The following EIPR1 variants were observed in gnomAD, a reference collection of about 807,000 sequenced individuals.
EIPR1 encodes the protein EARP and GARP complex-interacting protein 1.
EIPR1 carries 25 observed loss-of-function variants against 48.1 expected under a neutral mutation model. The ratio of observed to expected loss-of-function variants is 0.52; its 90% CI spans 0.38 to 0.73. EIPR1 has a LOEUF of 0.73. Ranked by LOEUF, EIPR1 falls within the 30% of genes least tolerant of loss-of-function variation. The pLI, the probability that EIPR1 is intolerant of heterozygous loss-of-function variation, is 0.00. For synonymous variants in EIPR1, 204 were observed against 201.9 expected, an observed-to-expected ratio of 1.01 and a Z score of -0.09; for missense variants, 415 against 506.2, an observed-to-expected ratio of 0.82 and a Z score of 1.73.
chr2:3,340,295 G>A (rs1572463688), intron 2 of EIPR1, among the ~76,000 whole-genome samples: 1 of 152,226 alleles, frequency 6.6e-6, no homozygotes, highest in East Asian at 1.9e-4. Context: ...GGAGTAGAGC[G>A]GGCCGCCAGC....
chr2:3,202,006 G>T (rs927146771), intron 5 of EIPR1, among the ~76,000 whole-genome samples: 34 of 152,078 alleles, frequency 2.2e-4, no homozygotes, highest in Admixed American at 2.0e-3. Context: ...GCGCGATCTC[G>T]GCTCACTGCA....
intron 3 of EIPR1, among the ~76,000 whole-genome samples, chr2:3,330,667 G>GTA (rs1455840948): frequency 2.6e-5 from 4 of 151,660 alleles, no homozygotes; most frequent in African/African-American, 4.8e-5. Context: ...GAAAAGGCAG[G>GTA]TGCACACACA....
intron 3 of EIPR1, among the ~76,000 whole-genome samples, chr2:3,290,630 C>T (rs1054135660): frequency 6.6e-6 from 1 of 152,036 alleles, no homozygotes; most frequent in Non-Finnish European, 1.5e-5. Flanking sequence ...TAGGGTATGC[C>T]ATGGCTCTCT....
intron 3 of EIPR1, among the ~76,000 whole-genome samples, chr2:3,308,123 A>C (rs1669008077): frequency 6.6e-6 from 1 of 152,200 alleles, no homozygotes. Flanking sequence ...GCCCACTTGC[A>C]CAGACTGTGG....
chr2:3,255,964 A>C, intron 4 of EIPR1, among the ~76,000 whole-genome samples: 1 of 152,210 alleles, frequency 6.6e-6, no homozygotes, highest in South Asian at 2.1e-4. Flanking sequence ...GTTTGCACAG[A>C]GATCCTGCAT....
intron 3 of EIPR1, among the ~76,000 whole-genome samples, chr2:3,265,207 G>GC (rs973972435): frequency 2.2e-5 from 2 of 92,056 alleles, no homozygotes; most frequent in African/African-American, 8.7e-5. Context: ...GTGCAGGCAG[G>GC]AGGTGTCTCT....
intron 1 of EIPR1, among the ~76,000 whole-genome samples, chr2:3,358,162 G>C (rs2103380594): frequency 6.6e-6 from 1 of 152,192 alleles, no homozygotes; most frequent in African/African-American, 2.4e-5. Flanking sequence ...ACTCTTACGT[G>C]TTCTTTCTGG....
intron 4 of EIPR1, among the ~76,000 whole-genome samples, chr2:3,232,013 CATT>C (rs1229968944): frequency 2.6e-5 from 4 of 152,182 alleles, no homozygotes; most frequent in Non-Finnish European, 1.5e-5. Context: ...AATCTCTACT[CATT>C]GTTGATTTAT....
At chr2:3,251,137 C>T (rs954538177) in intron 4 of EIPR1, among the ~76,000 whole-genome samples, 22 of 152,178 alleles carry the variant, frequency 1.4e-4, no homozygotes, top group Admixed American at 7.2e-4. Context: ...TCCACCCAGG[C>T]GGCCAGCGGT....
chr2:3,267,281 G>A (rs561433026), intron 3 of EIPR1, among the ~76,000 whole-genome samples: 2 of 152,366 alleles, frequency 1.3e-5, no homozygotes, highest in South Asian at 4.1e-4. Flanking sequence ...CCAGAGGGAT[G>A]CCCCGGGACA....
intron 4 of EIPR1, among the ~76,000 whole-genome samples, chr2:3,230,466 C>T (rs990647104): frequency 2.0e-5 from 3 of 152,198 alleles, no homozygotes; most frequent in African/African-American, 4.8e-5. Flanking sequence ...TGCATTTTGA[C>T]TATAATCCAC....
intron 1 of EIPR1, among the ~76,000 whole-genome samples, chr2:3,371,226 C>T (rs1393609096): frequency 6.6e-6 from 1 of 152,194 alleles, no homozygotes; most frequent in Non-Finnish European, 1.5e-5. Flanking sequence ...CCTAAAAGAG[C>T]TCCTGAAGGA....
intron 8 of EIPR1, among the ~76,000 whole-genome samples, chr2:3,191,885 A>G (rs748430434): frequency 6.6e-6 from 1 of 152,224 alleles, no homozygotes; most frequent in African/African-American, 2.4e-5. Flanking sequence ...ATCATGGTTG[A>G]CCACATTTTG....
At chr2:3,208,994 G>A (rs1665342494) in intron 5 of EIPR1, 3 of 1,458,016 alleles carry the variant, frequency 2.1e-6, no homozygotes, top group Non-Finnish European at 2.7e-6. Flanking sequence ...TATTATCAAG[G>A]TCGCCAGAAG....
chr2:3,315,135 A>T (rs1572431039), intron 3 of EIPR1, among the ~76,000 whole-genome samples: 1 of 112,612 alleles, frequency 8.9e-6, no homozygotes, highest in African/African-American at 4.8e-5. Flanking sequence ...CACCATCATC[A>T]TCACTAGCAT....
intron 1 of EIPR1, among the ~76,000 whole-genome samples, chr2:3,370,488 G>T (rs1273173075): frequency 6.6e-6 from 1 of 152,018 alleles, no homozygotes; most frequent in Admixed American, 6.5e-5. Flanking sequence ...TGAAAACTTT[G>T]AAAAAAATTT....
At chr2:3,220,301 C>T (rs1385899573) in intron 4 of EIPR1, among the ~76,000 whole-genome samples, 1 of 151,868 alleles carries the variant, frequency 6.6e-6, no homozygotes, top group East Asian at 1.9e-4. Flanking sequence ...CCGAGGTATA[C>T]ACTAGAGCAT....
intron 6 of EIPR1, chr2:3,194,385 G>T (rs561722331): frequency 4.4e-6 from 2 of 456,998 alleles, no homozygotes; most frequent in African/African-American, 1.9e-5. Context: ...CTCCAGAAGC[G>T]TATCTGTGAC....
At position 3,189,511 on chromosome 2, in the gene EIPR1, G is replaced by A; in HGVS notation, c.990-3C>T. 6.5e-7 allele frequency: 1 copy of A among 1,549,732 alleles called. No homozygotes were observed. The highest frequency in any genetic ancestry group is 2.3e-5 in the East Asian group (1 of 42,978). On this transcript the variant is annotated splice_polypyrimidine_tract_variant and splice_region_variant and intron_variant, in intron 8 of 8. Transcript: ENST00000382125. The surrounding 1 kb of genome is among the most constrained non-coding windows in gnomAD (Gnocchi z 4.6). ...TGTCCTGCAGGGGCTCCTTGCTCCT[G>A]CAATGCAACAGAGGCAGACGTGAGC...
Sources: gnomAD v4.1 joint callset for allele counts (sites outside exome capture counted in the v4.1 genomes callset) on GRCh38, gnomAD v4.1.1 for gene constraint, Gnocchi (gnomAD v3.1) non-coding constraint, MANE v1.5 for transcripts, NCBI Gene and HGNC (gene_info 2026-07-23, HGNC 2026-07-21) for gene names.